The following CPLANE1 variants were observed in gnomAD, a reference collection of about 807,000 sequenced individuals.
The protein encoded by CPLANE1 is ciliogenesis and planar polarity effector complex subunit 1.
Under a neutral mutation model 362.5 loss-of-function variants are expected in CPLANE1, and 263 were observed. The ratio of observed to expected loss-of-function variants is 0.73; its 90% confidence interval spans 0.66 to 0.80. CPLANE1 has a LOEUF of 0.80. Among genes scored for constraint, CPLANE1 ranks in the 30% least tolerant of loss-of-function variants. CPLANE1 has a pLI of 0.00. For missense variants in CPLANE1, 3,461 were observed against 3,793.4 expected, an observed-to-expected ratio of 0.91 and a Z score of 2.30; for synonymous variants, 1,212 against 1,302.6, an observed-to-expected ratio of 0.93 and a Z score of 1.50.
intron 44 of CPLANE1, 160 bp downstream of exon 44, chr5:37,142,147 GTTC>G (rs1014663981): frequency 1.2e-5 from 15 of 1,234,686 alleles, no homozygotes; most frequent in Non-Finnish European, 1.4e-5. Context: ...AGATGTCACA[GTTC>G]TTCATGTGAC....
At chr5:37,122,021 A>G (rs897812025) in intron 48 of CPLANE1, among the ~76,000 whole-genome samples, 2 of 152,114 alleles carry the variant, frequency 1.3e-5, no homozygotes, top group Non-Finnish European at 2.9e-5. Flanking sequence ...CTGGGATTAC[A>G]GGCGCCTGGC....
intron 15 of CPLANE1, 69 bp downstream of exon 15, chr5:37,221,255 G>C: frequency 9.3e-7 from 1 of 1,073,910 alleles, no homozygotes; most frequent in Non-Finnish European, 1.3e-6. Flanking sequence ...GGGGTTTGAA[G>C]CCAGGCTGGC....
At chr5:37,169,624 T>C (rs1023514262) in intron 33 of CPLANE1, 63 bp from the exon 34 acceptor site, 6 of 1,406,298 alleles carry the variant, frequency 4.3e-6, no homozygotes, top group Non-Finnish European at 5.8e-6. Context: ...CCTTTGTAAA[T>C]GGCATTCAGT....
intron 43 of CPLANE1, among the ~76,000 whole-genome samples, chr5:37,143,691 T>C (rs986123359): frequency 1.3e-5 from 2 of 152,206 alleles, no homozygotes; most frequent in Non-Finnish European, 2.9e-5. Flanking sequence ...CCCAGCACTT[T>C]GGGAGGCCAA....
Position 37,157,402 on chromosome 5 carries a change from A to C in CPLANE1, c.8030T>G (p.Leu2677Arg), listed in dbSNP as rs1775432856. 4.2e-6 allele frequency: 6 copies of C among 1,444,848 alleles called. No individual in the cohort carries two copies. Among genetic ancestry groups the C allele is most frequent in the Non-Finnish European group, 5.5e-6 (6 of 1,082,464 alleles). The allele number at this position is 1,444,848 out of a possible 1,614,324, so 89.5% of individuals were successfully genotyped here. Residue 2677 changes from leucine (L) to arginine (R), a missense_variant, in exon 41 of 53, where the codon CTG becomes CGG. Physicochemically the swap from Leu to Arg is moderately radical, Grantham distance 102. Transcript: ENST00000651892. ...FKSQEVTPAC[L>R]DGKSLRAGIT... ...GCCTGCTCTCAAGCTTTTTCCATCC[A>C]GACAAGCTGGAGTTACTTCTGCAGG... is the stretch of plus-strand genomic sequence containing the variant.
the CPLANE1 span, among the ~76,000 whole-genome samples, chr5:37,093,583 G>T: frequency 2.6e-5 from 4 of 152,296 alleles, no homozygotes; most frequent in East Asian, 1.9e-4. Flanking sequence ...ACTCCTGGGG[G>T]TCACTCTTTG....
chr5:37,154,029 T>C, intron 41 of CPLANE1, 36 bp from the exon 42 acceptor site: 1 of 1,543,040 alleles, frequency 6.5e-7, no homozygotes, highest in Non-Finnish European at 8.8e-7. Flanking sequence ...GAATTGATTA[T>C]AATTAAAGAA....
chr5:37,190,781 A>G (rs901524051), intron 21 of CPLANE1, among the ~76,000 whole-genome samples: 1 of 152,228 alleles, frequency 6.6e-6, no homozygotes, highest in Non-Finnish European at 1.5e-5. Flanking sequence ...TAGAGACATC[A>G]TGACATCATA....
In CPLANE1 at chr5:37,187,060, C is replaced by CAAAAAAAAAAAAAAAAAAAA. The variant is rs61112118; in HGVS notation, c.4080+334_4080+353dup. On this transcript the variant is annotated intron_variant, in intron 23 of 52. Coordinates refer to ENST00000651892, the MANE Select transcript of CPLANE1 (RefSeq NM_001384732.1). ...TGGGTGACAGAGCGAGACTCCGTCT[C>CAAAAAAAAAAAAAAAAAAAA]AAAAAAAAAAAAAAAAAAAAAAAAA... is the stretch of plus-strand genomic sequence containing the variant. Among the ~76,000 whole-genome samples the CAAAAAAAAAAAAAAAAAAAA allele has an allele frequency of 1.8e-4, 9 of 50,404 alleles. 2 individuals are homozygous for CAAAAAAAAAAAAAAAAAAAA. The highest frequency in any genetic ancestry group is 8.2e-4 in the African/African-American group (9 of 11,002). The allele number at this position is 50,404 out of a possible 152,430, so 33.1% of individuals were successfully genotyped here.
chr5:37,162,049 C>T (rs535723992), intron 38 of CPLANE1, among the ~76,000 whole-genome samples: 5 of 152,178 alleles, frequency 3.3e-5, no homozygotes, highest in African/African-American at 1.2e-4. Flanking sequence ...AATAATAGGT[C>T]CTCCAACACT....
rs1779138415 is a variant in CPLANE1, at chr5:37,169,435, G to T, written c.6589C>A (p.Leu2197Ile). ...FYPAPAGNTH[L>I]YLLSTPSVVQ... ...ACAGAAGGTGTGGACAAAAGGTAGA[G>T]GTGAGTATTTCCAGCAGGAGCTGGA... The change falls in exon 34 of 53, where the codon CTC (leucine) becomes ATC (isoleucine). Residue 2197 changes from leucine (L) to isoleucine (I), a missense_variant. Coordinates refer to ENST00000651892, the MANE Select transcript of CPLANE1 (RefSeq NM_001384732.1). The T allele has an allele frequency of 2.5e-6, 4 of 1,614,170 alleles. No individual in the cohort carries two copies. Among genetic ancestry groups the T allele is most frequent in the Non-Finnish European group, 3.4e-6 (4 of 1,180,032 alleles).
At chr5:37,210,476 TG>T in intron 16 of CPLANE1, 1 of 1,158,720 alleles carries the variant, frequency 8.6e-7, no homozygotes, top group Non-Finnish European at 1.3e-6. Context: ...TGATTGAAGA[TG>T]AAAGGAAGAA....
At chr5:37,240,390 G>A (rs1432518046) in intron 6 of CPLANE1, among the ~76,000 whole-genome samples, 2 of 151,986 alleles carry the variant, frequency 1.3e-5, no homozygotes, top group African/African-American at 4.8e-5. Flanking sequence ...GGGTTTATTC[G>A]GGCTCACGGT....
At chr5:37,194,440 C>G (rs1319996986) in intron 21 of CPLANE1, among the ~76,000 whole-genome samples, 3 of 152,090 alleles carry the variant, frequency 2.0e-5, no homozygotes, top group Non-Finnish European at 1.5e-5. Context: ...TTCTTACAGA[C>G]CTAGATTTTT....
intron 25 of CPLANE1, 68 bp from the exon 26 acceptor site, chr5:37,183,767 G>T: frequency 9.0e-7 from 1 of 1,115,776 alleles, no homozygotes; most frequent in African/African-American, 1.6e-5. Flanking sequence ...TCTTAGAATT[G>T]ACATGGAAAA....
At chr5:37,182,723 T>C (rs1216069002) in intron 26 of CPLANE1, 37 bp downstream of exon 26, 1 of 1,236,656 alleles carries the variant, frequency 8.1e-7, no homozygotes, top group Non-Finnish European at 1.1e-6. Context: ...AAAATGAGAA[T>C]TCTCATTTGT....
At chr5:37,205,946 G>A (rs1182867337) in intron 17 of CPLANE1, among the ~76,000 whole-genome samples, 1 of 152,116 alleles carries the variant, frequency 6.6e-6, no homozygotes, top group African/African-American at 2.4e-5. Context: ...CTAACTATAT[G>A]TGGCTATTTT....
intron 7 of CPLANE1, among the ~76,000 whole-genome samples, 162 bp from the exon 8 acceptor site, chr5:37,239,122 T>C (rs1799700884): frequency 6.6e-6 from 1 of 152,250 alleles, no homozygotes; most frequent in Non-Finnish European, 1.5e-5. Flanking sequence ...CTTTGCTCTT[T>C]TATGTTCCAC....
At chr5:37,234,634 T>A (rs1226567332) in intron 8 of CPLANE1, among the ~76,000 whole-genome samples, 1 of 151,938 alleles carries the variant, frequency 6.6e-6, no homozygotes, top group Non-Finnish European at 1.5e-5. Flanking sequence ...TTTAAAAGAA[T>A]AATAAATGAA....
Sources: gnomAD v4.1 joint callset for allele counts (sites outside exome capture counted in the v4.1 genomes callset) on GRCh38, gnomAD v4.1.1 for gene constraint, MANE v1.5 for transcripts, NCBI Gene and HGNC (gene_info 2026-07-23, HGNC 2026-07-21) for gene names.